Variants in CCSER1 observed in about 807,000 individuals in gnomAD.
CCSER1 encodes the protein serine-rich coiled-coil domain-containing protein 1.
CCSER1 carries 41 observed loss-of-function variants against 82.0 expected under a neutral mutation model. The observed-to-expected ratio is 0.50, with a 90% CI of 0.39 to 0.65. The LOEUF is 0.65. Ranked by LOEUF, CCSER1 falls within the 30% of genes least tolerant of loss-of-function variation. CCSER1 has a pLI of 0.00. For missense variants in CCSER1, 1,119 were observed against 1,064.2 expected, an observed-to-expected ratio of 1.05 and a Z score of -0.72; for synonymous variants, 414 against 383.9, an observed-to-expected ratio of 1.08 and a Z score of -0.92.
chr4:91,498,370 C>T (rs1294423358), intron 10 of CCSER1, among the ~76,000 whole-genome samples: 2 of 151,508 alleles, frequency 1.3e-5, no homozygotes, highest in Non-Finnish European at 2.9e-5. Context: ...AACATTTTTC[C>T]CTTTATATTT....
intron 10 of CCSER1, among the ~76,000 whole-genome samples, chr4:91,430,725 A>C (rs568226610): frequency 6.6e-6 from 1 of 152,372 alleles, no homozygotes; most frequent in South Asian, 2.1e-4. Flanking sequence ...ATATGAATGT[A>C]CTACATATTT....
intron 10 of CCSER1, among the ~76,000 whole-genome samples, chr4:91,231,554 A>G (rs1368732637): frequency 6.6e-6 from 1 of 151,820 alleles, no homozygotes; most frequent in African/African-American, 2.4e-5. Flanking sequence ...AAGGTGTTGT[A>G]GATGAAATTT....
At chr4:91,254,368 A>G (rs1363172750) in intron 10 of CCSER1, among the ~76,000 whole-genome samples, 1 of 152,210 alleles carries the variant, frequency 6.6e-6, no homozygotes, top group Non-Finnish European at 1.5e-5. Flanking sequence ...AATATTATTC[A>G]GATATATAGA....
chr4:90,488,212 C>T (rs11736066), intron 5 of CCSER1, among the ~76,000 whole-genome samples: 16,962 of 151,916 alleles, frequency 0.11, 1,352 homozygotes, highest in East Asian at 0.37. Flanking sequence ...GACGGAGTCT[C>T]GCTCTGTTGC....
At chr4:91,010,511 T>C (rs2150501012) in intron 9 of CCSER1, among the ~76,000 whole-genome samples, 1 of 135,978 alleles carries the variant, frequency 7.4e-6, no homozygotes, top group East Asian at 2.3e-4. Context: ...TACTGCCCCA[T>C]TTTTGACGCT....
At chr4:90,447,685 A>G (rs1466961190) in intron 4 of CCSER1, among the ~76,000 whole-genome samples, 3 of 152,226 alleles carry the variant, frequency 2.0e-5, no homozygotes, top group African/African-American at 7.2e-5. Context: ...AATAAGCATC[A>G]GTATTAAAAA....
chr4:90,752,604 G>A (rs563708468), intron 7 of CCSER1, among the ~76,000 whole-genome samples: 2 of 152,124 alleles, frequency 1.3e-5, no homozygotes, highest in South Asian at 2.1e-4. Flanking sequence ...GAAAGCGTTC[G>A]AGTTTGATCT....
At chr4:90,444,448 T>A (rs1322167192) in intron 4 of CCSER1, among the ~76,000 whole-genome samples, 2 of 152,226 alleles carry the variant, frequency 1.3e-5, no homozygotes, top group Non-Finnish European at 2.9e-5. Context: ...GTTGGTTTCA[T>A]AACTATTTAT....
intron 5 of CCSER1, among the ~76,000 whole-genome samples, chr4:90,576,006 C>G (rs1231016155): frequency 6.6e-6 from 1 of 151,798 alleles, no homozygotes; most frequent in East Asian, 1.9e-4. Context: ...GTTTTCATAT[C>G]TCCGAAATTT....
chr4:90,720,809 ATAG>A (rs1273234654), intron 6 of CCSER1, among the ~76,000 whole-genome samples: 1 of 152,026 alleles, frequency 6.6e-6, no homozygotes, highest in Non-Finnish European at 1.5e-5. Flanking sequence ...AATAAATATA[ATAG>A]TAGCAGTTAT....
intron 1 of CCSER1, among the ~76,000 whole-genome samples, chr4:90,251,349 A>T (rs1286102997): frequency 3.3e-5 from 5 of 151,964 alleles, no homozygotes; most frequent in African/African-American, 1.2e-4. Flanking sequence ...ACCAGTAGGT[A>T]TAATGATAGC....
At chr4:90,302,804 AAAAAC>A (rs568160665) in intron 1 of CCSER1, among the ~76,000 whole-genome samples, 14 of 151,776 alleles carry the variant, frequency 9.2e-5, no homozygotes, top group South Asian at 4.2e-4. Context: ...CCTTGTCTCC[AAAAAC>A]AAAACAAAAC....
chr4:90,517,831 G>T (rs1371491637), intron 5 of CCSER1, among the ~76,000 whole-genome samples: 2 of 151,900 alleles, frequency 1.3e-5, no homozygotes, highest in Non-Finnish European at 2.9e-5. Flanking sequence ...CTGTGAGGTG[G>T]GTATTATAAT....
At chr4:90,659,396 G>T (rs114960539) in intron 6 of CCSER1, among the ~76,000 whole-genome samples, 4,550 of 152,086 alleles carry the variant, frequency 0.03, 213 homozygotes, top group African/African-American at 0.1. Flanking sequence ...CCTCTTAGTG[G>T]ATAAGAATTG....
intron 10 of CCSER1, among the ~76,000 whole-genome samples, chr4:91,425,513 A>C (rs1753917191): frequency 6.6e-6 from 1 of 152,182 alleles, no homozygotes; most frequent in Admixed American, 6.5e-5. Flanking sequence ...AAAGTCTTGT[A>C]ATTAAATAAA....
At chr4:91,087,780 C>T (rs1416014150) in intron 10 of CCSER1, among the ~76,000 whole-genome samples, 1 of 152,066 alleles carries the variant, frequency 6.6e-6, no homozygotes, top group Non-Finnish European at 1.5e-5. Context: ...AAATTCAAAA[C>T]AACTACTTAA....
intron 5 of CCSER1, among the ~76,000 whole-genome samples, chr4:90,626,331 C>G (rs1407976951): frequency 6.6e-6 from 1 of 152,062 alleles, no homozygotes; most frequent in Admixed American, 6.6e-5. Flanking sequence ...TCGATTATAA[C>G]TAAAGTACTA....
At chr4:90,599,381 T>C (rs1783773572) in intron 5 of CCSER1, among the ~76,000 whole-genome samples, 1 of 152,124 alleles carries the variant, frequency 6.6e-6, no homozygotes. Flanking sequence ...CCTCTCGCCA[T>C]GTAAGACGTG....
chr4:90,597,014 C>A (rs1205305187), intron 5 of CCSER1, among the ~76,000 whole-genome samples: 1 of 151,902 alleles, frequency 6.6e-6, no homozygotes, highest in African/African-American at 2.4e-5. Flanking sequence ...AAAAATTATT[C>A]TCAGTCATGA....
Sources: gnomAD v4.1 joint callset for allele counts (sites outside exome capture counted in the v4.1 genomes callset) on GRCh38, gnomAD v4.1.1 for gene constraint, MANE v1.5 for transcripts, NCBI Gene and HGNC (gene_info 2026-07-23, HGNC 2026-07-21) for gene names.